Variants in NOTCH2NLC observed in about 807,000 individuals in gnomAD.
NOTCH2NLC encodes the protein notch 2 N-terminal like C.
Under a neutral mutation model 17.7 loss-of-function variants are expected in NOTCH2NLC, and 4 were observed. That is an observed-to-expected ratio of 0.23 (90% CI 0.11 to 0.52). The LOEUF (loss-of-function observed/expected upper bound fraction) is 0.52, where lower values mean the gene tolerates loss of function less well. NOTCH2NLC is among the 20% of genes least tolerant of loss of function. NOTCH2NLC has a pLI of 0.96. For missense variants in NOTCH2NLC, 57 were observed against 207.2 expected (o/e 0.28, Z 4.45); for synonymous variants, 18 against 86.0 (o/e 0.21, Z 4.38).
At chr1:149,458,309 CCTT>C (rs1439218706) in intron 3 of NOTCH2NLC, among the ~76,000 whole-genome samples, 4 of 111,194 alleles carry the variant, frequency 3.6e-5, no homozygotes, top group Non-Finnish European at 7.8e-5. Flanking sequence ...TTGATGACTA[CCTT>C]CTTCTACCCA....
chr1:149,467,457 C>T lies in NOTCH2NLC; in HGVS notation c.*3304C>T, dbSNP rs2084691468. On this transcript the variant is annotated 3_prime_UTR_variant, in exon 5 of 5. Coordinates refer to ENST00000650865, the MANE Select transcript of NOTCH2NLC (RefSeq NM_001364013.2). ...TTGTATGACACAGAAAGAAATGTTT[C>T]TTCACAGAGGGAGGAGAAAAATATC... The T allele has an allele frequency of 1.4e-5, 2 of 143,380 alleles. No individual in the cohort carries two copies. Among genetic ancestry groups the T allele is most frequent in the South Asian group, 2.4e-4 (1 of 4,118 alleles). 8.9% of individuals were successfully genotyped at this position (143,380 alleles called of 1,614,324 possible).
At chr1:149,450,711 CTG>C (rs1199630594) in intron 2 of NOTCH2NLC, among the ~76,000 whole-genome samples, 2 of 125,060 alleles carry the variant, frequency 1.6e-5, no homozygotes, top group Non-Finnish European at 3.4e-5. Context: ...AAAAAGGAAA[CTG>C]TGAACACGAA....
At chr1:149,449,039 G>A (rs1204005823) in intron 2 of NOTCH2NLC, among the ~76,000 whole-genome samples, 7 of 147,512 alleles carry the variant, frequency 4.7e-5, no homozygotes, top group South Asian at 2.2e-4. Context: ...CCGCCACCAC[G>A]CCTGGCTAAT....
At chr1:149,405,429 T>C (rs1205512752) in intron 1 of NOTCH2NLC, among the ~76,000 whole-genome samples, 1 of 145,984 alleles carries the variant, frequency 6.9e-6, no homozygotes, top group Non-Finnish European at 1.5e-5. Flanking sequence ...CCTTTAGTCC[T>C]TAAAATAGAT....
chr1:149,419,878 T>G (rs2084369615), intron 1 of NOTCH2NLC, among the ~76,000 whole-genome samples: 1 of 131,954 alleles, frequency 7.6e-6, no homozygotes, highest in African/African-American at 2.8e-5. Flanking sequence ...TTTTTTTTTT[T>G]TTTCCTCAGG....
In NOTCH2NLC at chr1:149,418,953, C is replaced by G. The variant is rs1300555431; in HGVS notation, c.136-11989C>G. Among the ~76,000 whole-genome samples the G allele has an allele frequency of 7.4e-4, 111 of 150,734 alleles. 4 individuals carry two copies. The highest frequency in any genetic ancestry group is 1.4e-3 in the Non-Finnish European group (92 of 67,412). The stretch of plus-strand genomic sequence containing the variant: ...CTTGCTCTTTCTCTCTTTCCCTTTT[C>G]TTTCCTTTTCTTTCCTTTCCTTTCT... On this transcript the variant is annotated intron_variant, in intron 1 of 4. Transcript: ENST00000650865.
Position 149,462,126 on chromosome 1 carries a change from TATA to T in NOTCH2NLC, c.470-1344_470-1342del, listed in dbSNP as rs1332169696. Among the ~76,000 whole-genome samples the T allele has an allele frequency of 2.6e-3, 374 of 143,284 alleles. 6 individuals carry two copies. Among genetic ancestry groups the T allele is most frequent in the East Asian group, 0.015 (75 of 5,042 alleles). The allele number at this position is 143,284 out of a possible 152,430, so 94.0% of individuals were successfully genotyped here. A position where few individuals can be genotyped will look rare whatever the true frequency, so the allele number is the denominator to read the frequency against. ...TGCACGTGTACCCTAGAACTTAAAG[TATA>T]ATAATAATAATAATAATAATTCAAG... On this transcript the variant is annotated intron_variant, in intron 3 of 4. Coordinates refer to ENST00000650865, the MANE Select transcript of NOTCH2NLC (RefSeq NM_001364013.2).
intron 2 of NOTCH2NLC, among the ~76,000 whole-genome samples, chr1:149,442,099 G>A (rs1252982480): frequency 1.3e-5 from 2 of 150,654 alleles, no homozygotes; most frequent in African/African-American, 4.9e-5. Flanking sequence ...CATCGAGGCT[G>A]AAATACCTAC....
At chr1:149,415,121 CTTTTTT>C (rs1253861178) in intron 1 of NOTCH2NLC, among the ~76,000 whole-genome samples, 1 of 94,756 alleles carries the variant, frequency 1.1e-5, no homozygotes, top group Non-Finnish European at 2.1e-5. Flanking sequence ...GTAAAGGCTC[CTTTTTT>C]TTTTTTTTTT....
chr1:149,435,612 C>G (rs1316250546), intron 2 of NOTCH2NLC, among the ~76,000 whole-genome samples: 1 of 139,010 alleles, frequency 7.2e-6, no homozygotes. Context: ...GCCCCAGGAG[C>G]CTTCTGCTCA....
chr1:149,399,943 AT>A (rs1328833227), intron 1 of NOTCH2NLC, among the ~76,000 whole-genome samples: 1 of 149,848 alleles, frequency 6.7e-6, no homozygotes, highest in Admixed American at 6.7e-5. Context: ...CCTTTACAAG[AT>A]TTTTTTATTT....
intron 1 of NOTCH2NLC, among the ~76,000 whole-genome samples, chr1:149,398,340 AAG>A (rs2084220954): frequency 1.3e-5 from 2 of 149,492 alleles, no homozygotes; most frequent in African/African-American, 2.5e-5. Context: ...GGTTTGCGGC[AAG>A]AGAGAGTGCT....
intron 2 of NOTCH2NLC, among the ~76,000 whole-genome samples, chr1:149,436,799 GGAAAATGATAGCA>G (rs1268844984): frequency 7.0e-6 from 1 of 142,282 alleles, no homozygotes; most frequent in African/African-American, 2.6e-5. Context: ...TAGTTTTTCT[GGAAAATGATAGCA>G]GAAGCTTGGC....
chr1:149,428,908 A>C (rs2084427669), intron 1 of NOTCH2NLC, among the ~76,000 whole-genome samples: 1 of 149,450 alleles, frequency 6.7e-6, no homozygotes, highest in South Asian at 2.1e-4. Flanking sequence ...TAAAGAAAAA[A>C]AGTAAATAGA....
In NOTCH2NLC at chr1:149,449,157, T is replaced by A. The variant is rs1409865906; in HGVS notation, c.210-6161T>A. Among the ~76,000 whole-genome samples, 19 of 149,436 alleles carry A rather than the reference T, an allele frequency of 1.3e-4. No individual in the cohort carries two copies. In the East Asian group the frequency reaches 1.8e-3, roughly 14 times the overall value. On this transcript the variant is annotated intron_variant, in intron 2 of 4. Coordinates refer to ENST00000650865, the MANE Select transcript of NOTCH2NLC (RefSeq NM_001364013.2). ...CGGCCTCCCAAAGTGCTGAGATTAC[T>A]GGTGTGAGCCACCGCACCTGGCCTA...
At chr1:149,412,288 A>G (rs2084302431) in intron 1 of NOTCH2NLC, among the ~76,000 whole-genome samples, 2 of 145,784 alleles carry the variant, frequency 1.4e-5, no homozygotes. Flanking sequence ...TTTGGGGGAA[A>G]AAAGGGTAGA....
intron 1 of NOTCH2NLC, among the ~76,000 whole-genome samples, chr1:149,410,233 C>T (rs1295169818): frequency 1.0e-4 from 15 of 147,116 alleles, no homozygotes; most frequent in African/African-American, 3.5e-4. Flanking sequence ...ATAACTGGAT[C>T]ATTATTCTGT....
intron 1 of NOTCH2NLC, among the ~76,000 whole-genome samples, chr1:149,394,740 G>T (rs1246664065): frequency 4.7e-5 from 7 of 150,372 alleles, no homozygotes; most frequent in Admixed American, 6.6e-5. Flanking sequence ...TGATGTCTCA[G>T]TTCGAATGCC....
chr1:149,449,683 T>C (rs1257957539), intron 2 of NOTCH2NLC, among the ~76,000 whole-genome samples: 2 of 151,324 alleles, frequency 1.3e-5, no homozygotes. Flanking sequence ...AAGTGTTTAA[T>C]TTAGTAGACT....
Sources: allele counts gnomAD v4.1 joint callset (sites outside exome capture counted in the v4.1 genomes callset), GRCh38; gene constraint gnomAD v4.1.1; transcripts MANE v1.5; gene names NCBI Gene and HGNC (gene_info 2026-07-23, HGNC 2026-07-21).